The following DTNBP1 variants were observed in gnomAD, a reference collection of about 807,000 sequenced individuals.
DTNBP1 encodes dystrobrevin binding protein 1.
Under a neutral mutation model 42.8 loss-of-function variants are expected in DTNBP1, and 35 were observed. That is an observed-to-expected ratio of 0.82 (90% CI 0.63 to 1.09). The LOEUF is 1.09. Ranked by LOEUF, DTNBP1 falls within the 50% of genes least tolerant of loss-of-function variation. DTNBP1 has a pLI of 0.00. For synonymous variants in DTNBP1, 171 were observed against 162.2 expected (o/e 1.05, Z -0.41); for missense variants, 457 against 424.2 (o/e 1.08, Z -0.68).
rs775508611 is a variant in DTNBP1, at chr6:15,630,248, GATAAGCAGA to G, written c.223-2782_223-2774del. On this transcript the variant is annotated intron_variant, in intron 4 of 9. Transcript: ENST00000344537. ...TTTTATTTGATTTCCACACAAGTTT[GATAAGCAGA>G]ATAAGTAGTGTTAAGCCATTTTATA... Among the ~76,000 whole-genome samples, 6 of 152,274 alleles carry G rather than the reference GATAAGCAGA, an allele frequency of 3.9e-5. No homozygotes were observed. In the South Asian group the frequency reaches 1.2e-3, roughly 32 times the overall value.
At chr6:15,628,494 C>T (rs1759492644) in intron 4 of DTNBP1, among the ~76,000 whole-genome samples, 1 of 150,652 alleles carries the variant, frequency 6.6e-6, no homozygotes, top group Non-Finnish European at 1.5e-5. Context: ...CAACCTCCGC[C>T]TCCCAGGTTC....
At chr6:15,656,780 A>G (rs2113823541) in intron 1 of DTNBP1, among the ~76,000 whole-genome samples, 1 of 152,242 alleles carries the variant, frequency 6.6e-6, no homozygotes, top group Middle Eastern at 3.4e-3. Context: ...GATGTAGATA[A>G]ACAGAATGAT....
intron 1 of DTNBP1, among the ~76,000 whole-genome samples, chr6:15,656,456 T>C (rs1310419955): frequency 2.0e-5 from 3 of 152,192 alleles, no homozygotes; most frequent in Non-Finnish European, 4.4e-5. Flanking sequence ...ATTTATGTCT[T>C]TGAGCTTTGT....
At chr6:15,545,678 T>A (rs1275511009) in intron 7 of DTNBP1, among the ~76,000 whole-genome samples, 1 of 152,166 alleles carries the variant, frequency 6.6e-6, no homozygotes, top group Non-Finnish European at 1.5e-5. Context: ...CAAAATTAGG[T>A]CCTTAGGAAC....
chr6:15,658,483 G>A (rs924995350), intron 1 of DTNBP1, among the ~76,000 whole-genome samples: 1 of 152,094 alleles, frequency 6.6e-6, no homozygotes, highest in African/African-American at 2.4e-5. Flanking sequence ...GGGCAGTGAG[G>A]GCTTTGAGGG....
chr6:15,524,881 C>T (rs77205208), intron 8 of DTNBP1, among the ~76,000 whole-genome samples: 3 of 145,230 alleles, frequency 2.1e-5, no homozygotes, highest in African/African-American at 7.8e-5. Context: ...TTTTACACTT[C>T]CTTAATCTGT....
chr6:15,603,554 T>C lies in DTNBP1; in HGVS notation c.489-10473A>G, dbSNP rs149430799. The stretch of plus-strand genomic sequence containing the variant: ...TATCTTCCTCCATATGTTTTCCTAG[T>C]AATCTTTGATTAGATACCAGACATT... On this transcript the variant is annotated intron_variant, in intron 6 of 9. Transcript: ENST00000344537. Among the ~76,000 whole-genome samples, 323 of 152,340 alleles carry C rather than the reference T, an allele frequency of 2.1e-3. 2 individuals are homozygous for C. The highest frequency in any genetic ancestry group is 7.0e-3 in the African/African-American group (289 of 41,570).
intron 3 of DTNBP1, among the ~76,000 whole-genome samples, chr6:15,650,401 G>A (rs1056494913): frequency 7.2e-6 from 1 of 138,780 alleles, no homozygotes; most frequent in Non-Finnish European, 1.5e-5. Flanking sequence ...TCCTGCCTCA[G>A]CCCCGAGTAG....
intron 3 of DTNBP1, among the ~76,000 whole-genome samples, chr6:15,644,199 A>T (rs1396899736): frequency 2.6e-5 from 4 of 151,802 alleles, no homozygotes; most frequent in African/African-American, 9.7e-5. Flanking sequence ...AAGACAAAGA[A>T]GGGTACAACA....
At chr6:15,608,113 C>T (rs1010484096) in intron 6 of DTNBP1, among the ~76,000 whole-genome samples, 22 of 151,920 alleles carry the variant, frequency 1.4e-4, no homozygotes, top group African/African-American at 4.8e-4. Flanking sequence ...GCTTTTTCTC[C>T]CCCATCTCCC....
At chr6:15,559,464 T>C (rs1197154418) in intron 7 of DTNBP1, among the ~76,000 whole-genome samples, 1 of 152,180 alleles carries the variant, frequency 6.6e-6, no homozygotes, top group Non-Finnish European at 1.5e-5. Context: ...GAAAAGTAGA[T>C]TTTATGCAAC....
intron 1 of DTNBP1, among the ~76,000 whole-genome samples, chr6:15,657,885 CAA>C (rs1342176823): frequency 1.3e-5 from 2 of 152,188 alleles, no homozygotes; most frequent in Non-Finnish European, 2.9e-5. Context: ...TGTGCTTATC[CAA>C]ATCTATCGCA....
At chr6:15,562,289 A>T (rs1774878385) in intron 7 of DTNBP1, among the ~76,000 whole-genome samples, 1 of 152,152 alleles carries the variant, frequency 6.6e-6, no homozygotes, top group Non-Finnish European at 1.5e-5. Flanking sequence ...TTCTGGTAAC[A>T]ATATCATGTT....
chr6:15,539,911 G>A (rs1444945646), intron 7 of DTNBP1, among the ~76,000 whole-genome samples: 1 of 152,128 alleles, frequency 6.6e-6, no homozygotes, highest in East Asian at 1.9e-4. Context: ...CTCCATACAA[G>A]TGCGGTAAAA....
rs1772012510 is a variant in DTNBP1 at position 15,523,056 on chromosome 6, T to G, written c.975A>C (p.Glu325Asp). 6.2e-7 allele frequency: 1 copy of G among 1,614,006 alleles called. No homozygotes were observed. The highest frequency in any genetic ancestry group is 1.7e-5 in the Admixed American group (1 of 60,000). Residue 325 changes from glutamate to aspartate, a missense_variant, in exon 10 of 10, where the codon GAA (glutamate) becomes GAC (aspartate). Transcript: ENST00000344537. ...TGGCCAGGGCAGTGTCCACCTGAAC[T>G]TCCTCCTCATCGGACTGAACAACGG... is the stretch of plus-strand genomic sequence containing the variant. ...ESPVVQSDEE[E>D]VQVDTALATS...
chr6:15,660,654 A>T, intron 1 of DTNBP1: 1 of 799,986 alleles, frequency 1.3e-6, no homozygotes, highest in Non-Finnish European at 1.8e-6. Context: ...TCCCTTTGGC[A>T]TGTCTCTCCT....
At chr6:15,607,591 C>T (rs569480272) in intron 6 of DTNBP1, among the ~76,000 whole-genome samples, 7 of 152,274 alleles carry the variant, frequency 4.6e-5, no homozygotes, top group Admixed American at 3.3e-4. Context: ...TGTGAGCCAC[C>T]GTGCCCAGCA....
intron 7 of DTNBP1, among the ~76,000 whole-genome samples, chr6:15,584,641 C>T (rs1360355513): frequency 6.6e-6 from 1 of 150,456 alleles, no homozygotes; most frequent in Non-Finnish European, 1.5e-5. Context: ...GTTTGATATA[C>T]CTTATTCAAA....
chr6:15,582,147 G>A (rs1419125867), intron 7 of DTNBP1, among the ~76,000 whole-genome samples: 1 of 152,156 alleles, frequency 6.6e-6, no homozygotes, highest in East Asian at 1.9e-4. Flanking sequence ...AAGAGAATGG[G>A]GGAAAGGGAC....
Sources: gnomAD v4.1 joint callset for allele counts (sites outside exome capture counted in the v4.1 genomes callset) on GRCh38, gnomAD v4.1.1 for gene constraint, MANE v1.5 for transcripts, NCBI Gene and HGNC (gene_info 2026-07-23, HGNC 2026-07-21) for gene names.